Variants in NFAT5 observed in about 807,000 individuals in gnomAD.
NFAT5 encodes nuclear factor of activated T-cells 5.
Under a neutral mutation model 166.5 loss-of-function variants are expected in NFAT5, and 31 were observed. That is an observed-to-expected ratio of 0.19 (90% CI 0.14 to 0.25). The LOEUF is 0.25. Among genes scored for constraint, NFAT5 ranks in the 10% least tolerant of loss-of-function variants. NFAT5 has a pLI of 1.00. For synonymous variants in NFAT5, 612 were observed against 639.7 expected, an observed-to-expected ratio of 0.96 and a Z score of 0.65; for missense variants, 1,449 against 1,821.8, an observed-to-expected ratio of 0.80 and a Z score of 3.72.
chr16:69,637,810 A>G (rs560133750), intron 3 of NFAT5, among the ~76,000 whole-genome samples: 4 of 152,342 alleles, frequency 2.6e-5, no homozygotes, highest in African/African-American at 9.6e-5. Context: ...GAGGATGATG[A>G]AATCATAGGA....
rs753594508 is a variant in NFAT5 at position 69,693,123 on chromosome 16, C to G, written c.3298C>G (p.Gln1100Glu). 35 of 1,614,006 alleles carry G rather than the reference C, an allele frequency of 2.2e-5. No homozygotes were observed. Among genetic ancestry groups the G allele is most frequent in the Non-Finnish European group, 2.8e-5 (33 of 1,180,030 alleles). The change falls in exon 13 of 15, where the codon CAG (glutamine) becomes GAG (glutamate). Residue 1100 changes from glutamine (Q) to glutamate (E), a missense_variant. This residue lies in a region of NFAT5 where 891 missense variants were observed against 993.0 expected (regional missense o/e 0.90). Coordinates refer to ENST00000349945, the MANE Select transcript of NFAT5 (RefSeq NM_138713.4). ...TCCTCAAAATCCTATTGCCGATGCT[C>G]AGAACCTTTCCCAGGAAACTCAAGG... ...FHPQNPIADA[Q>E]NLSQETQGSL...
intron 2 of NFAT5, among the ~76,000 whole-genome samples, chr16:69,596,310 T>A (rs376677544): frequency 5.3e-5 from 8 of 152,218 alleles, no homozygotes; most frequent in East Asian, 3.8e-4. Context: ...TTTCATTTAA[T>A]GTTTTTGACA....
chr16:69,675,612 G>A (rs968435427), intron 9 of NFAT5, among the ~76,000 whole-genome samples: 5 of 152,084 alleles, frequency 3.3e-5, no homozygotes, highest in South Asian at 2.1e-4. Context: ...TGTTAATGCC[G>A]TAAATTAGAA....
chr16:69,604,217 C>T (rs1401806733), intron 2 of NFAT5, among the ~76,000 whole-genome samples: 1 of 152,154 alleles, frequency 6.6e-6, no homozygotes, highest in Non-Finnish European at 1.5e-5. Flanking sequence ...CACACACACT[C>T]CGTACTTCCT....
intron 2 of NFAT5, among the ~76,000 whole-genome samples, chr16:69,579,261 T>C (rs2031509612): frequency 6.6e-6 from 1 of 152,192 alleles, no homozygotes; most frequent in African/African-American, 2.4e-5. Context: ...TTCTCTGGAA[T>C]ATTGGGCTAA....
At chr16:69,615,454 G>A (rs371736583) in intron 2 of NFAT5, among the ~76,000 whole-genome samples, 1 of 152,130 alleles carries the variant, frequency 6.6e-6, no homozygotes, top group African/African-American at 2.4e-5. Context: ...TCCCAGCCCT[G>A]ATACTATTTC....
At chr16:69,641,215 T>G (rs1455387598) in intron 3 of NFAT5, among the ~76,000 whole-genome samples, 1 of 145,610 alleles carries the variant, frequency 6.9e-6, no homozygotes, top group Non-Finnish European at 1.5e-5. Context: ...GAGGCAGAGG[T>G]TGCAGTGAGC....
intron 2 of NFAT5, among the ~76,000 whole-genome samples, chr16:69,595,415 C>T (rs1049855200): frequency 3.9e-5 from 6 of 152,072 alleles, no homozygotes; most frequent in African/African-American, 1.2e-4. Context: ...CCTTGTTGCT[C>T]ATGGGTTTCT....
chr16:69,569,681 A>C (rs1173696079), intron 2 of NFAT5, among the ~76,000 whole-genome samples: 1 of 152,214 alleles, frequency 6.6e-6, no homozygotes, highest in African/African-American at 2.4e-5. Context: ...ATGTGTATTA[A>C]ATTGCCTAGC....
intron 9 of NFAT5, among the ~76,000 whole-genome samples, chr16:69,671,462 C>T (rs2036617676): frequency 6.6e-6 from 1 of 152,196 alleles, no homozygotes; most frequent in South Asian, 2.1e-4. Flanking sequence ...CCTCTGACTC[C>T]CTGGTTCAAG....
intron 3 of NFAT5, among the ~76,000 whole-genome samples, chr16:69,635,576 A>C (rs2151598214): frequency 6.6e-6 from 1 of 152,268 alleles, no homozygotes; most frequent in South Asian, 2.1e-4. Flanking sequence ...AAAGAAAAAA[A>C]GGTTTAATTG....
At chr16:69,672,131 G>A (rs752827542) in intron 9 of NFAT5, among the ~76,000 whole-genome samples, 3 of 152,202 alleles carry the variant, frequency 2.0e-5, no homozygotes, top group Non-Finnish European at 4.4e-5. Context: ...AGACAATATC[G>A]TATAGTGTGG....
At chr16:69,669,100 G>T (rs1462708126) in intron 7 of NFAT5, among the ~76,000 whole-genome samples, 3 of 151,946 alleles carry the variant, frequency 2.0e-5, no homozygotes, top group Admixed American at 6.6e-5. Flanking sequence ...TCTCACTATT[G>T]CCCAGGCTGG....
At chr16:69,626,125 A>G (rs1213682876) in intron 2 of NFAT5, among the ~76,000 whole-genome samples, 3 of 151,718 alleles carry the variant, frequency 2.0e-5, no homozygotes, top group African/African-American at 7.2e-5. Context: ...AAAAAAAAAA[A>G]AAACCTTTTG....
At chr16:69,578,479 C>G (rs1422052428) in intron 2 of NFAT5, among the ~76,000 whole-genome samples, 1 of 152,144 alleles carries the variant, frequency 6.6e-6, no homozygotes, top group African/African-American at 2.4e-5. Context: ...CAATAGAACA[C>G]TTAAAATTTG....
chr16:69,677,019 G>T, intron 9 of NFAT5, 184 bp from the exon 10 acceptor site: 1 of 549,126 alleles, frequency 1.8e-6, no homozygotes, highest in Non-Finnish European at 3.1e-6. Context: ...AAAACACTTG[G>T]ATTTTACCTT....
chr16:69,629,094 T>C (rs769811765), intron 3 of NFAT5, among the ~76,000 whole-genome samples: 12 of 151,882 alleles, frequency 7.9e-5, no homozygotes, highest in Non-Finnish European at 1.5e-4. Flanking sequence ...AAAGAAAAAA[T>C]ATGAAATGTG....
chr16:69,613,982 A>G (rs2033820576), intron 2 of NFAT5, among the ~76,000 whole-genome samples: 1 of 152,236 alleles, frequency 6.6e-6, no homozygotes, highest in Non-Finnish European at 1.5e-5. Context: ...TCAAACAAGT[A>G]ATTATATGAC....
chr16:69,636,856 C>A (rs1427886230), intron 3 of NFAT5, among the ~76,000 whole-genome samples: 6 of 152,176 alleles, frequency 3.9e-5, no homozygotes. Context: ...TCCTCATGGT[C>A]TTGGGGATTA....
Sources: allele counts gnomAD v4.1 joint callset (sites outside exome capture counted in the v4.1 genomes callset), GRCh38; gene constraint gnomAD v4.1.1; regional missense constraint gnomAD v4.1.1; transcripts MANE v1.5; gene names NCBI Gene and HGNC (gene_info 2026-07-23, HGNC 2026-07-21).